NXPE2: variants seen among roughly 807,000 people sequenced by gnomAD.
NXPE2 encodes the protein NXPE family member 2.
A neutral mutation model predicts 34.4 loss-of-function variants in NXPE2; 34 were observed. That is an observed-to-expected ratio of 0.99 (90% CI 0.75 to 1.31). NXPE2 has a LOEUF of 1.31. Among genes scored for constraint, NXPE2 ranks in the 40% most tolerant of loss-of-function variants. The probability of loss-of-function intolerance (pLI) is 0.00; values close to 1 mark genes in which losing one functional copy is unlikely to be tolerated. For missense variants in NXPE2, 649 were observed against 672.5 expected (o/e 0.97, Z 0.39); for synonymous variants, 235 against 231.3 (o/e 1.02, Z -0.15).
chr11:114,704,788 C>G (rs1481326758), intron 4 of NXPE2, among the ~76,000 whole-genome samples: 1 of 152,286 alleles, frequency 6.6e-6, no homozygotes, highest in South Asian at 2.1e-4. Context: ...ATGAAGAAGA[C>G]AGATCCCTTC....
the NXPE2 span, among the ~76,000 whole-genome samples, chr11:114,598,763 C>A: frequency 2.6e-5 from 4 of 152,256 alleles, no homozygotes; most frequent in African/African-American, 9.6e-5. Flanking sequence ...CTCACAAAAC[C>A]ATTCTTCCCT....
the NXPE2 span, among the ~76,000 whole-genome samples, chr11:114,787,734 C>T: frequency 6.6e-6 from 1 of 152,118 alleles, no homozygotes; most frequent in Non-Finnish European, 1.5e-5. Context: ...TCTATCCACC[C>T]CTCTGAATCC....
the NXPE2 span, among the ~76,000 whole-genome samples, chr11:114,756,897 G>A: frequency 0.47 from 71,496 of 151,938 alleles, 17,455 homozygotes; most frequent in South Asian, 0.6. Flanking sequence ...CTTGGTGGGT[G>A]TTCACCGCCT....
At chr11:114,504,453 A>G in the NXPE2 span, among the ~76,000 whole-genome samples, 2 of 152,098 alleles carry the variant, frequency 1.3e-5, no homozygotes, top group Admixed American at 6.5e-5. Context: ...CCTTGCCTCT[A>G]TCGCTGTGGT....
chr11:114,572,851 C>A, the NXPE2 span, among the ~76,000 whole-genome samples: 90,995 of 151,952 alleles, frequency 0.6, 29,053 homozygotes, highest in African/African-American at 0.84. Context: ...CAAATACAAG[C>A]AGCTCAAAGA....
the NXPE2 span, among the ~76,000 whole-genome samples, chr11:114,780,895 G>A: frequency 6.6e-5 from 10 of 152,284 alleles, no homozygotes; most frequent in African/African-American, 1.7e-4. Context: ...GCCTAAGGGC[G>A]ATCCAGGGGA....
chr11:114,581,795 C>A, the NXPE2 span: 2 of 1,595,642 alleles, frequency 1.3e-6, no homozygotes, highest in Admixed American at 1.7e-5. Flanking sequence ...ACCTTAAAGA[C>A]ACAAATACAG....
the NXPE2 span, among the ~76,000 whole-genome samples, chr11:114,624,309 G>T: frequency 2.6e-4 from 39 of 152,140 alleles, 1 homozygote; most frequent in South Asian, 7.0e-3. Context: ...TGGATAATAA[G>T]TGTTGCCTCA....
At chr11:114,507,873 G>T in the NXPE2 span, among the ~76,000 whole-genome samples, 1 of 152,122 alleles carries the variant, frequency 6.6e-6, no homozygotes, top group South Asian at 2.1e-4. Context: ...ATTCAACATA[G>T]TATTGGAAGT....
the NXPE2 span, among the ~76,000 whole-genome samples, chr11:114,738,519 C>T: frequency 2.7e-4 from 41 of 152,236 alleles, no homozygotes; most frequent in Admixed American, 4.6e-4. Flanking sequence ...TGGTGTTTTT[C>T]CTCTTTAGGC....
At chr11:114,488,061 A>G in the NXPE2 span, among the ~76,000 whole-genome samples, 1 of 152,106 alleles carries the variant, frequency 6.6e-6, no homozygotes, top group Non-Finnish European at 1.5e-5. Context: ...ATTTTTTGGA[A>G]TAGTATGAGT....
the NXPE2 span, among the ~76,000 whole-genome samples, chr11:114,587,585 T>C: frequency 6.6e-6 from 1 of 152,212 alleles, no homozygotes; most frequent in Admixed American, 6.5e-5. Flanking sequence ...TTGGTTCCTC[T>C]GGTTTCATTG....
chr11:114,594,872 T>G, the NXPE2 span: 1 of 635,002 alleles, frequency 1.6e-6, no homozygotes. Context: ...TGATTACTTT[T>G]TAGCCTCAGA....
chr11:114,536,357 A>C, the NXPE2 span, among the ~76,000 whole-genome samples: 1 of 152,240 alleles, frequency 6.6e-6, no homozygotes, highest in Non-Finnish European at 1.5e-5. Flanking sequence ...ACACCCTAAC[A>C]TCACAATTAA....
At chr11:114,723,871 A>G in the NXPE2 span, among the ~76,000 whole-genome samples, 2 of 152,166 alleles carry the variant, frequency 1.3e-5, no homozygotes, top group African/African-American at 2.4e-5. Flanking sequence ...ATCACAAGCA[A>G]TGTGGCAGCC....
the NXPE2 span, among the ~76,000 whole-genome samples, chr11:114,732,083 CAT>C: frequency 6.6e-6 from 1 of 152,110 alleles, no homozygotes; most frequent in Admixed American, 6.5e-5. Flanking sequence ...TTTCATAACT[CAT>C]TTTCTTTTTA....
the NXPE2 span, among the ~76,000 whole-genome samples, chr11:114,774,575 T>C: frequency 6.6e-6 from 1 of 152,176 alleles, no homozygotes; most frequent in Admixed American, 6.5e-5. Context: ...ATGGCTTCAT[T>C]AATAAACTGG....
chr11:114,602,126 T>C, the NXPE2 span, among the ~76,000 whole-genome samples: 868 of 102,160 alleles, frequency 8.5e-3, 14 homozygotes, highest in African/African-American at 0.033. Flanking sequence ...TTATATATAT[T>C]ATACATAACA....
At chr11:114,601,134 T>C in the NXPE2 span, among the ~76,000 whole-genome samples, 2 of 151,838 alleles carry the variant, frequency 1.3e-5, no homozygotes, top group Admixed American at 6.6e-5. Flanking sequence ...AAGTGATTTT[T>C]GGTTATGTGG....
Sources: gnomAD v4.1 joint callset for allele counts (sites outside exome capture counted in the v4.1 genomes callset) on GRCh38, gnomAD v4.1.1 for gene constraint, MANE v1.5 for transcripts, NCBI Gene and HGNC (gene_info 2026-07-23, HGNC 2026-07-21) for gene names.